RAB27B: variants seen among roughly 807,000 people sequenced by gnomAD.
RAB27B encodes the protein RAB27B, member RAS oncogene family.
A neutral mutation model predicts 24.6 loss-of-function variants in RAB27B; 15 were observed. That is an observed-to-expected ratio of 0.61 (90% CI 0.41 to 0.94). The LOEUF (loss-of-function observed/expected upper bound fraction) is 0.94. RAB27B is among the 40% of genes least tolerant of loss of function. RAB27B has a pLI of 0.00. For synonymous variants in RAB27B, 105 were observed against 92.5 expected, an observed-to-expected ratio of 1.14 and a Z score of -0.78; for missense variants, 261 against 266.8, an observed-to-expected ratio of 0.98 and a Z score of 0.15.
chr18:54,734,303 AT>A (rs747668649), intron 2 of RAB27B, among the ~76,000 whole-genome samples: 1 of 152,118 alleles, frequency 6.6e-6, no homozygotes, highest in Non-Finnish European at 1.5e-5. Context: ...AGCCATGAGA[AT>A]TTGGAAACCT....
chr18:54,887,915 C>G, intron 4 of RAB27B, 80 bp from the exon 5 acceptor site: 1 of 1,503,776 alleles, frequency 6.6e-7, no homozygotes, highest in Non-Finnish European at 9.0e-7. Flanking sequence ...GCAATTAGAT[C>G]AGGAATCTGG....
intron 1 of RAB27B, among the ~76,000 whole-genome samples, chr18:54,867,742 G>A (rs1214875752): frequency 2.6e-5 from 4 of 152,142 alleles, no homozygotes; most frequent in Non-Finnish European, 2.9e-5. Context: ...ACCATGCCCG[G>A]CCACCTGGTG....
At chr18:54,769,910 G>C (rs761603160) in intron 2 of RAB27B, among the ~76,000 whole-genome samples, 11 of 152,050 alleles carry the variant, frequency 7.2e-5, no homozygotes, top group Non-Finnish European at 1.2e-4. Flanking sequence ...AAGTCTTGCT[G>C]TCTCCCAGGC....
rs1353304473 is a variant in RAB27B at position 54,891,280 on chromosome 18, C to T, written c.*1867C>T. 6.6e-6 allele frequency: 1 copy of T among 151,060 alleles called. No homozygotes were observed. Among genetic ancestry groups the T allele is most frequent in the East Asian group, 1.9e-4 (1 of 5,188 alleles). The allele number at this position is 151,060 out of a possible 1,614,324, so 9.4% of individuals were successfully genotyped here. A position where few individuals can be genotyped will look rare whatever the true frequency, so the allele number is the denominator to read the frequency against. Reference sequence around the variant, plus strand: ...AATCAAAATATTAATAATTTGAAAGCTTTCATGCTGTTAGCCCCTGATGAA... The same window carrying T: ...AATCAAAATATTAATAATTTGAAAGTTTTCATGCTGTTAGCCCCTGATGAA... On this transcript the variant is annotated 3_prime_UTR_variant, in exon 6 of 6. Coordinates refer to ENST00000262094, the MANE Select transcript of RAB27B (RefSeq NM_004163.4).
chr18:54,805,620 G>A (rs754427270), intron 2 of RAB27B, among the ~76,000 whole-genome samples: 1 of 152,150 alleles, frequency 6.6e-6, no homozygotes, highest in Non-Finnish European at 1.5e-5. Context: ...GTGTTGATGT[G>A]AAAATTCTAG....
Position 54,849,950 on chromosome 18 carries a change from C to T in RAB27B, c.-20+21250C>T, listed in dbSNP as rs1911493585. ...TCATACCTTTAAAAGGAAAAATTAG[C>T]TAAAGGTAGGCTCGAGTTAGAAACT... On this transcript the variant is annotated intron_variant, in intron 1 of 5. Coordinates refer to ENST00000262094, the MANE Select transcript of RAB27B (RefSeq NM_004163.4). Among the ~76,000 whole-genome samples the T allele has an allele frequency of 2.0e-5, 3 of 152,136 alleles. No homozygotes were observed. The South Asian group carries it at 6.2e-4, about 32-fold the overall frequency.
At chr18:54,801,882 T>A (rs1003515651) in intron 2 of RAB27B, among the ~76,000 whole-genome samples, 8 of 152,166 alleles carry the variant, frequency 5.3e-5, no homozygotes, top group Non-Finnish European at 7.3e-5. Flanking sequence ...CTATTAAAAT[T>A]GTCAGTCCTA....
At chr18:54,749,505 T>A (rs1907761540) in intron 2 of RAB27B, among the ~76,000 whole-genome samples, 1 of 152,048 alleles carries the variant, frequency 6.6e-6, no homozygotes, top group Non-Finnish European at 1.5e-5. Context: ...AGATCCTAAC[T>A]CCTTACGACA....
At position 54,836,419 on chromosome 18, in the gene RAB27B, G is replaced by A. The variant is rs892121437; in HGVS notation, c.-20+7719G>A. Among the ~76,000 whole-genome samples the A allele has an allele frequency of 4.0e-5, 6 of 151,764 alleles. 1 individual carries two copies. The highest frequency in any genetic ancestry group is 1.5e-4 in the African/African-American group (6 of 41,136). On this transcript the variant is annotated intron_variant, in intron 1 of 5. Coordinates refer to ENST00000262094, the MANE Select transcript of RAB27B (RefSeq NM_004163.4). ...AGTTTCCCATTCTTCAGTTCTAGAT[G>A]GTGTTAGATTCTAGTGATTTTAGTA...
intron 1 of RAB27B, among the ~76,000 whole-genome samples, chr18:54,856,625 C>A (rs545078944): frequency 6.6e-6 from 1 of 152,292 alleles, no homozygotes; most frequent in South Asian, 2.1e-4. Flanking sequence ...AAAGTGGGTG[C>A]CACTAACAGA....
chr18:54,869,301 G>A (rs1912372093), intron 1 of RAB27B, among the ~76,000 whole-genome samples: 1 of 152,316 alleles, frequency 6.6e-6, no homozygotes, highest in South Asian at 2.1e-4. Context: ...GCATTGATCT[G>A]AATGTATCAA....
intron 2 of RAB27B, among the ~76,000 whole-genome samples, chr18:54,720,784 G>T (rs1231030373): frequency 6.6e-6 from 1 of 152,108 alleles, no homozygotes; most frequent in African/African-American, 2.4e-5. Context: ...AAGAAATGTG[G>T]AAGAATAACA....
At chr18:54,806,381 C>T (rs1909790876) in intron 2 of RAB27B, among the ~76,000 whole-genome samples, 1 of 151,136 alleles carries the variant, frequency 6.6e-6, no homozygotes, top group African/African-American at 2.4e-5. Flanking sequence ...GAGGAGCAGT[C>T]TCTCTTTTTA....
At chr18:54,831,348 G>A (rs1463120627) in intron 1 of RAB27B, among the ~76,000 whole-genome samples, 1 of 152,106 alleles carries the variant, frequency 6.6e-6, no homozygotes, top group East Asian at 1.9e-4. Flanking sequence ...CTGGCACAGA[G>A]GGAGTGAGAT....
chr18:54,786,685 A>G (rs930125623), intron 2 of RAB27B, among the ~76,000 whole-genome samples: 1 of 152,230 alleles, frequency 6.6e-6, no homozygotes, highest in Non-Finnish European at 1.5e-5. Flanking sequence ...ATGTTAACAT[A>G]ATACATTTGA....
chr18:54,743,404 G>A (rs1399595722), intron 2 of RAB27B, among the ~76,000 whole-genome samples: 2 of 152,140 alleles, frequency 1.3e-5, no homozygotes, highest in Non-Finnish European at 2.9e-5. Flanking sequence ...ATGCAAATAT[G>A]GAAATGCAGC....
chr18:54,730,328 A>C (rs1380996927), intron 2 of RAB27B, among the ~76,000 whole-genome samples: 2 of 152,178 alleles, frequency 1.3e-5, no homozygotes, highest in Admixed American at 6.5e-5. Context: ...AAAAGTTGAA[A>C]AACAGGTGCT....
intron 2 of RAB27B, among the ~76,000 whole-genome samples, chr18:54,816,038 A>G (rs1290832458): frequency 1.3e-5 from 2 of 152,232 alleles, no homozygotes; most frequent in Admixed American, 6.5e-5. Context: ...ATCTTTTTCA[A>G]CTGGCTTAAT....
At chr18:54,858,377 GTT>G (rs4071703) in intron 1 of RAB27B, among the ~76,000 whole-genome samples, 65,996 of 128,080 alleles carry the variant, frequency 0.52, 15,475 homozygotes, top group African/African-American at 0.63. Context: ...CAGGAAAACT[GTT>G]TTTTTTTTTT....
Sources: allele counts gnomAD v4.1 joint callset (sites outside exome capture counted in the v4.1 genomes callset), GRCh38; gene constraint gnomAD v4.1.1; transcripts MANE v1.5; gene names NCBI Gene and HGNC (gene_info 2026-07-23, HGNC 2026-07-21).